The following CCNYL1 variants were observed in gnomAD, a reference collection of about 807,000 sequenced individuals.
CCNYL1 encodes cyclin-Y-like protein 1.
CCNYL1 carries 16 observed loss-of-function variants against 44.2 expected under a neutral mutation model. The observed-to-expected ratio is 0.36, with a 90% CI of 0.25 to 0.55. The LOEUF is 0.55. Among genes scored for constraint, CCNYL1 ranks in the 20% least tolerant of loss-of-function variants. The probability of loss-of-function intolerance (pLI) is 0.85; values close to 1 mark genes in which losing one functional copy is unlikely to be tolerated. For synonymous variants in CCNYL1, 159 were observed against 163.2 expected, an observed-to-expected ratio of 0.97 and a Z score of 0.20; for missense variants, 348 against 451.8, an observed-to-expected ratio of 0.77 and a Z score of 2.08.
intron 1 of CCNYL1, chr2:207,714,499 A>C (rs546840901): frequency 2.9e-5 from 9 of 314,734 alleles, no homozygotes; most frequent in African/African-American, 2.0e-4. Flanking sequence ...GTGGATAAGA[A>C]TAAAAGTAGA....
intron 6 of CCNYL1, among the ~76,000 whole-genome samples, chr2:207,741,190 G>A (rs1348194551): frequency 1.3e-5 from 2 of 152,046 alleles, no homozygotes; most frequent in Non-Finnish European, 2.9e-5. Context: ...GGAAGGCGGA[G>A]CTTGCAGTGA....
chr2:207,726,993 A>T, intron 3 of CCNYL1, 117 bp downstream of exon 3: 1 of 617,170 alleles, frequency 1.6e-6, no homozygotes. Flanking sequence ...CTTTTTGTGG[A>T]TTTTCTAAAT....
At chr2:207,714,362 G>C in intron 1 of CCNYL1, 1 of 374,040 alleles carries the variant, frequency 2.7e-6, no homozygotes. Flanking sequence ...TCACTGTGTT[G>C]ACCAGGCTGG....
intron 4 of CCNYL1, 98 bp from the exon 5 acceptor site, chr2:207,737,313 G>T: frequency 1.2e-6 from 1 of 867,744 alleles, no homozygotes; most frequent in Non-Finnish European, 1.9e-6. Flanking sequence ...TTTCAGGGCC[G>T]CTAGGAGGGT....
In CCNYL1 at chr2:207,747,080, A is replaced by G; in HGVS notation, c.673A>G (p.Ile225Val). 1 of 1,614,148 alleles carries G rather than the reference A, an allele frequency of 6.2e-7. No individual in the cohort carries two copies. Among genetic ancestry groups the G allele is most frequent in the Non-Finnish European group, 8.5e-7 (1 of 1,180,018 alleles). ...YLERLLTYAEIDICPTNWKRI... is the reference protein window; with the variant it reads ...YLERLLTYAEVDICPTNWKRI... ...AGAAAGGCTTTTAACTTATGCTGAAATCGACATTTGTCCCACCAACTGGAA... is the reference window on the plus strand; with the variant it reads ...AGAAAGGCTTTTAACTTATGCTGAAGTCGACATTTGTCCCACCAACTGGAA... The change falls in exon 8 of 10, where the codon ATC becomes GTC. Residue 225 changes from isoleucine (I) to valine (V), a missense_variant. By Grantham distance (29) the Ile-to-Val change is conservative. This residue lies in a region of CCNYL1 where 45 missense variants were observed against 101.7 expected (regional missense o/e 0.44). Coordinates refer to ENST00000295414, the MANE Select transcript of CCNYL1 (RefSeq NM_001330218.2).
intron 5 of CCNYL1, among the ~76,000 whole-genome samples, chr2:207,738,220 A>C (rs764190148): frequency 1.3e-4 from 17 of 133,126 alleles, no homozygotes; most frequent in Non-Finnish European, 2.0e-4. Flanking sequence ...TTTTTAGTTT[A>C]TTTTTATTTG....
At chr2:207,716,225 C>T (rs2091594145) in intron 1 of CCNYL1, among the ~76,000 whole-genome samples, 1 of 151,978 alleles carries the variant, frequency 6.6e-6, no homozygotes, top group Admixed American at 6.6e-5. Context: ...TGAAGTGACT[C>T]TTTCTATTCT....
chr2:207,754,511 A>G lies in CCNYL1; in HGVS notation c.*813A>G, dbSNP rs980662182. On this transcript the variant is annotated 3_prime_UTR_variant, in exon 10 of 10. Coordinates refer to ENST00000295414, the MANE Select transcript of CCNYL1 (RefSeq NM_001330218.2). ...CATGGTGGTTCAGTGACGATGAGAA[A>G]AAGTGAAGCAGTTTTAAGCTTGAAT... The G allele has an allele frequency of 6.5e-5, 10 of 152,686 alleles. No individual in the cohort carries two copies. The highest frequency in any genetic ancestry group is 2.4e-4 in the African/African-American group (10 of 41,466). The allele number at this position is 152,686 out of a possible 1,614,324, so 9.5% of individuals were successfully genotyped here.
chr2:207,729,118 G>A (rs1402084027), intron 3 of CCNYL1, among the ~76,000 whole-genome samples: 1 of 151,970 alleles, frequency 6.6e-6, no homozygotes, highest in African/African-American at 2.4e-5. Context: ...TTTTTATTGG[G>A]ACCAATAAGT....
chr2:207,727,644 A>G (rs2091690874), intron 3 of CCNYL1, among the ~76,000 whole-genome samples: 1 of 152,066 alleles, frequency 6.6e-6, no homozygotes, highest in African/African-American at 2.4e-5. Context: ...AATGTTTTCC[A>G]TCTACTAAAA....
intron 7 of CCNYL1, among the ~76,000 whole-genome samples, chr2:207,744,104 A>G (rs1355965863): frequency 6.6e-6 from 1 of 152,164 alleles, no homozygotes; most frequent in African/African-American, 2.4e-5. Flanking sequence ...ACTATTTTAG[A>G]TAGAATGATC....
intron 8 of CCNYL1, 64 bp from the exon 9 acceptor site, chr2:207,750,893 T>G: frequency 7.1e-7 from 1 of 1,413,532 alleles, no homozygotes; most frequent in Non-Finnish European, 9.8e-7. Context: ...AATGATATTT[T>G]TGAAGATAGC....
intron 3 of CCNYL1, among the ~76,000 whole-genome samples, chr2:207,733,635 TAAGAA>T (rs916227680): frequency 6.6e-6 from 1 of 152,224 alleles, no homozygotes; most frequent in African/African-American, 2.4e-5. Flanking sequence ...TTTTATTGCT[TAAGAA>T]AAAACACTGA....
At chr2:207,742,192 G>A (rs199914238) in intron 6 of CCNYL1, 31 bp from the exon 7 acceptor site, 25 of 1,567,790 alleles carry the variant, frequency 1.6e-5, no homozygotes, top group African/African-American at 2.8e-5. Flanking sequence ...TTCTTCAGTG[G>A]ATACTAACAT....
intron 1 of CCNYL1, among the ~76,000 whole-genome samples, chr2:207,713,432 C>G (rs1339921641): frequency 1.3e-5 from 2 of 152,094 alleles, no homozygotes; most frequent in African/African-American, 2.4e-5. Flanking sequence ...TGGGGTTCGT[C>G]AGACTCTAAA....
chr2:207,718,468 A>G (rs183878362), intron 1 of CCNYL1, among the ~76,000 whole-genome samples: 1,573 of 152,134 alleles, frequency 0.01, 20 homozygotes, highest in Non-Finnish European at 0.013. Context: ...TGATTGCTCC[A>G]CTGCCCTCCA....
intron 1 of CCNYL1, 48 bp from the exon 2 acceptor site, chr2:207,724,752 C>T (rs772492989): frequency 3.7e-6 from 5 of 1,346,804 alleles, no homozygotes; most frequent in Non-Finnish European, 3.2e-6. Flanking sequence ...CAGAAATCAT[C>T]TTTTCTACTC....
intron 1 of CCNYL1, 99 bp downstream of exon 1, chr2:207,712,215 T>C (rs2091554581): frequency 2.0e-6 from 2 of 1,011,472 alleles, no homozygotes; most frequent in South Asian, 1.6e-5. Flanking sequence ...GGCTCCTTCC[T>C]GCCGGTAGCC....
Position 207,717,998 on chromosome 2 carries a change from G to A in CCNYL1, c.220+5882G>A, listed in dbSNP as rs528072171. 6.7e-5 allele frequency among the ~76,000 whole-genome samples: 10 copies of A among 149,744 alleles called. 1 individual carries two copies. The South Asian group carries it at 2.1e-3, about 31-fold the overall frequency. Reference sequence around the variant, plus strand: ...TGGCTCACTGCAACCTCCGCCTCCTGGGTTCAAGCGATTCTCCTGCCTCAG... The same window carrying A: ...TGGCTCACTGCAACCTCCGCCTCCTAGGTTCAAGCGATTCTCCTGCCTCAG... On this transcript the variant is annotated intron_variant, in intron 1 of 9. Coordinates refer to ENST00000295414, the MANE Select transcript of CCNYL1 (RefSeq NM_001330218.2).
Sources: allele counts gnomAD v4.1 joint callset (sites outside exome capture counted in the v4.1 genomes callset), GRCh38; gene constraint gnomAD v4.1.1; regional missense constraint gnomAD v4.1.1; transcripts MANE v1.5; gene names NCBI Gene and HGNC (gene_info 2026-07-23, HGNC 2026-07-21).